OSMR: variants seen among roughly 807,000 people sequenced by gnomAD.
OSMR encodes oncostatin-M-specific receptor subunit beta.
A neutral mutation model predicts 99.9 loss-of-function variants in OSMR; 81 were observed. The observed-to-expected ratio is 0.81, with a 90% CI of 0.68 to 0.97. OSMR has a LOEUF of 0.97. Among genes scored for constraint, OSMR ranks in the 50% least tolerant of loss-of-function variants. OSMR has a pLI of 0.00. For synonymous variants in OSMR, 406 were observed against 410.4 expected (o/e 0.99, Z 0.13); for missense variants, 1,099 against 1,153.4 (o/e 0.95, Z 0.68).
intron 1 of OSMR, among the ~76,000 whole-genome samples, chr5:38,856,476 A>T (rs1387414532): frequency 6.6e-6 from 1 of 152,160 alleles, no homozygotes; most frequent in Non-Finnish European, 1.5e-5. Flanking sequence ...CACTTTGCTC[A>T]TGTGTAGGCA....
chr5:38,944,007 A>C (rs1294807124), intron 1 of OSMR, among the ~76,000 whole-genome samples: 1 of 152,190 alleles, frequency 6.6e-6, no homozygotes, highest in Non-Finnish European at 1.5e-5. Context: ...AGACCCAAAA[A>C]AGCTTATTTT....
At chr5:38,945,135 T>C (rs1158814225), downstream of OSMR, 1 of 1,090,256 alleles carries the variant, frequency 9.2e-7, no homozygotes, top group Non-Finnish European at 1.3e-6. Context: ...TTACATTGCA[T>C]GCTAAAAAGA....
At chr5:38,924,204 G>A in intron 13 of OSMR, 1 of 555,760 alleles carries the variant, frequency 1.8e-6, no homozygotes, top group South Asian at 7.7e-5. Context: ...TTCTTCATCT[G>A]TAAAAGGCAA....
intron 7 of OSMR, among the ~76,000 whole-genome samples, chr5:38,901,655 C>T (rs994302189): frequency 6.6e-6 from 1 of 152,114 alleles, no homozygotes; most frequent in Non-Finnish European, 1.5e-5. Context: ...GCTGGTACAT[C>T]CCAGTGGTAG....
At chr5:38,871,220 T>G (rs1047733417) in intron 2 of OSMR, among the ~76,000 whole-genome samples, 1 of 152,248 alleles carries the variant, frequency 6.6e-6, no homozygotes, top group Non-Finnish European at 1.5e-5. Flanking sequence ...TTCCCTTTTC[T>G]GATCCAGCAC....
At chr5:38,941,753 T>C (rs1157698102) in intron 1 of OSMR, 1 of 232,450 alleles carries the variant, frequency 4.3e-6, no homozygotes, top group East Asian at 6.1e-5. Flanking sequence ...TATAAACCTC[T>C]GAAGTAGTGT....
At chr5:38,923,449 T>C (rs1217512918) in intron 13 of OSMR, among the ~76,000 whole-genome samples, 195 bp downstream of exon 13, 2 of 152,094 alleles carry the variant, frequency 1.3e-5, no homozygotes, top group Non-Finnish European at 2.9e-5. Context: ...TTGCTAAGTC[T>C]CTCTCTTTCT....
At chr5:38,917,711 G>A in intron 10 of OSMR, 89 bp downstream of exon 10, 1 of 1,075,164 alleles carries the variant, frequency 9.3e-7, no homozygotes, top group Non-Finnish European at 1.4e-6. Flanking sequence ...ACTGTGGATT[G>A]GTTCAGTGTC....
chr5:38,928,152 C>T (rs568643630), intron 15 of OSMR, among the ~76,000 whole-genome samples: 1 of 151,518 alleles, frequency 6.6e-6, no homozygotes, highest in East Asian at 1.9e-4. Flanking sequence ...TTTCCAACAT[C>T]TTCCTGTCTT....
intron 1 of OSMR, among the ~76,000 whole-genome samples, chr5:38,864,548 T>TC (rs983029027): frequency 6.6e-6 from 1 of 151,576 alleles, no homozygotes; most frequent in Non-Finnish European, 1.5e-5. Flanking sequence ...AAGTTTTTTT[T>TC]TTTTTCTTTT....
At chr5:38,904,330 T>C (rs1454800582) in intron 8 of OSMR, 23 bp from the exon 9 acceptor site, 1 of 1,611,056 alleles carries the variant, frequency 6.2e-7, no homozygotes, top group Non-Finnish European at 8.5e-7. Context: ...TTTTTTCTTT[T>C]CTTCTCTTTT....
intron 15 of OSMR, among the ~76,000 whole-genome samples, 167 bp downstream of exon 15, chr5:38,925,538 G>T (rs1029463085): frequency 1.4e-4 from 22 of 152,064 alleles, no homozygotes; most frequent in African/African-American, 5.3e-4. Context: ...ACAAAAAAAG[G>T]GTTGCACAGA....
chr5:38,862,429 C>G (rs1328939155), intron 1 of OSMR, among the ~76,000 whole-genome samples: 2 of 147,836 alleles, frequency 1.4e-5, no homozygotes, highest in Non-Finnish European at 3.0e-5. Flanking sequence ...CTGACCCCCC[C>G]ACCTCCCTCC....
Position 38,917,558 on chromosome 5 carries a change from C to A in OSMR, c.1298C>A (p.Ala433Asp). The A allele has an allele frequency of 6.2e-7, 1 of 1,613,358 alleles. No homozygotes were observed. The highest frequency in any genetic ancestry group is 1.3e-5 in the African/African-American group (1 of 75,034). The change falls in exon 10 of 18, where the codon GCC becomes GAC. Residue 433 changes from alanine to aspartate, a missense_variant. Transcript: ENST00000274276. ...TGGTTAATTTCAGCTCCCTCAGAGG[C>A]CCCTGATGTCTGGAGAATTGTGAGC... ...FTTLEAAPSE[A>D]PDVWRIVSLE...
chr5:38,877,650 G>A (rs1213502765), intron 3 of OSMR, among the ~76,000 whole-genome samples: 1 of 152,096 alleles, frequency 6.6e-6, no homozygotes, highest in African/African-American at 2.4e-5. Context: ...TTGAGACTAA[G>A]GATTATCTAC....
chr5:38,849,888 G>A (rs963810757), intron 1 of OSMR, among the ~76,000 whole-genome samples: 2 of 152,148 alleles, frequency 1.3e-5, no homozygotes, highest in African/African-American at 4.8e-5. Flanking sequence ...GCTGTTGTGA[G>A]GATTCAATTA....
intron 15 of OSMR, among the ~76,000 whole-genome samples, chr5:38,927,857 T>C (rs1746541587): frequency 6.6e-6 from 1 of 152,228 alleles, no homozygotes; most frequent in Non-Finnish European, 1.5e-5. Context: ...TTCTAAACTT[T>C]TTTGCTCTGC....
intron 2 of OSMR, among the ~76,000 whole-genome samples, chr5:38,874,612 C>T (rs77983986): frequency 0.022 from 3,289 of 152,292 alleles, 133 homozygotes; most frequent in African/African-American, 0.076. Flanking sequence ...ATCCTGTCAC[C>T]TGTGTCCTGA....
intron 9 of OSMR, among the ~76,000 whole-genome samples, chr5:38,906,508 A>T (rs943543088): frequency 2.0e-5 from 3 of 152,184 alleles, no homozygotes; most frequent in African/African-American, 7.2e-5. Flanking sequence ...TATCAACTGT[A>T]TTGTAGCACT....
Sources: gnomAD v4.1 joint callset for allele counts (sites outside exome capture counted in the v4.1 genomes callset) on GRCh38, gnomAD v4.1.1 for gene constraint, MANE v1.5 for transcripts, NCBI Gene and HGNC (gene_info 2026-07-23, HGNC 2026-07-21) for gene names.